Variants in TTF2 observed in about 807,000 individuals in gnomAD.
The protein encoded by TTF2 is RNA polymerase II termination factor.
TTF2 carries 108 observed loss-of-function variants against 142.4 expected under a neutral mutation model. The observed-to-expected ratio is 0.76, with a 90% CI of 0.65 to 0.89. TTF2 has a LOEUF of 0.89. TTF2 is among the 40% of genes least tolerant of loss of function. The pLI is 0.00. For missense variants in TTF2, 1,327 were observed against 1,379.8 expected (o/e 0.96, Z 0.61); for synonymous variants, 483 against 506.2 (o/e 0.95, Z 0.61).
At chr1:117,062,256 G>A (rs942061939) in intron 2 of TTF2, 131 bp from the exon 3 acceptor site, 21 of 735,796 alleles carry the variant, frequency 2.9e-5, no homozygotes, top group South Asian at 5.7e-5. Flanking sequence ...GTGATAATGT[G>A]TGGGAATTAC....
chr1:117,077,489 C>T (rs887120966), intron 7 of TTF2, among the ~76,000 whole-genome samples: 2 of 152,042 alleles, frequency 1.3e-5, no homozygotes, highest in African/African-American at 2.4e-5. Context: ...CTTATTCTTT[C>T]GTGTGTGTGT....
In TTF2 at chr1:117,086,328, A is replaced by G. The variant is rs1044090081; in HGVS notation, c.2055-89A>G. 1.3e-5 allele frequency: 11 copies of G among 878,004 alleles called. No individual in the cohort carries two copies. The highest frequency in any genetic ancestry group is 6.0e-5 in the Admixed American group (3 of 49,918). 54.4% of individuals were successfully genotyped at this position (878,004 alleles called of 1,614,324 possible). On this transcript the variant is annotated intron_variant, in intron 11 of 22. Coordinates refer to ENST00000369466, the MANE Select transcript of TTF2 (RefSeq NM_003594.4). This position sits in a 1 kb window ranked among gnomAD's most constrained non-coding sequence, Gnocchi z 4.2. The stretch of plus-strand genomic sequence containing the variant: ...TTCTGCTGTTTGTCCTTCCATTTGT[A>G]GGCATTTTTATTGAAAGATCAACTC...
chr1:117,060,968 C>T (rs1655631582), intron 2 of TTF2, among the ~76,000 whole-genome samples: 1 of 152,162 alleles, frequency 6.6e-6, no homozygotes, highest in Non-Finnish European at 1.5e-5. Context: ...AGTTTTAGGC[C>T]CGACGGTTTT....
chr1:117,092,734 C>G lies in TTF2; in HGVS notation c.2809C>G (p.Leu937Val), dbSNP rs370938761. The G allele has an allele frequency of 3.7e-6, 6 of 1,613,816 alleles. No individual in the cohort carries two copies. In the African/African-American group the frequency reaches 6.7e-5, roughly 18 times the overall value. ...CCHLSLLKSA[L>V]DPMELKGEGL... ...CTGTCCTTTTTTGTCTGTTCAGGCC[C>G]TGGATCCAATGGAACTGAAGGGTGA... Residue 937 changes from leucine to valine, a missense_variant, in exon 18 of 23, where the codon CTG becomes GTG. By Grantham distance (32) the Leu-to-Val change is conservative. Transcript: ENST00000369466. The surrounding 1 kb of genome is among the most constrained non-coding windows in gnomAD (Gnocchi z 4.4).
chr1:117,077,841 G>T (rs962242171), intron 7 of TTF2, 75 bp from the exon 8 acceptor site: 2 of 1,575,430 alleles, frequency 1.3e-6, no homozygotes, highest in Non-Finnish European at 1.7e-6. Context: ...AGGGCCATTT[G>T]TAGCTAAGTT....
chr1:117,089,923 C>T lies in TTF2; in HGVS notation c.2343-132C>T, dbSNP rs990075163. On this transcript the variant is annotated intron_variant, in intron 13 of 22. Transcript: ENST00000369466. ...CAGCAAAGGTTTGCTATGAAATTCA[C>T]TTTTAAAAGTGATTGGATGACAGGT... is the stretch of plus-strand genomic sequence containing the variant. 2.8e-6 allele frequency: 3 copies of T among 1,066,078 alleles called. No individual in the cohort carries two copies. The African/African-American group carries it at 4.8e-5, about 17-fold the overall frequency. The allele number at this position is 1,066,078 out of a possible 1,614,324, so 66.0% of individuals were successfully genotyped here. A position where few individuals can be genotyped will look rare whatever the true frequency, so the allele number is the denominator to read the frequency against.
chr1:117,065,145 A>G (rs1027399610), intron 3 of TTF2, among the ~76,000 whole-genome samples: 23 of 152,128 alleles, frequency 1.5e-4, no homozygotes, highest in African/African-American at 5.6e-4. Context: ...CTTTTTCAAG[A>G]TTGCGTTGGC....
intron 2 of TTF2, 38 bp downstream of exon 2, chr1:117,060,595 C>T (rs773476040): frequency 6.4e-7 from 1 of 1,550,860 alleles, no homozygotes; most frequent in East Asian, 2.3e-5. Flanking sequence ...TGTGGCTGCC[C>T]GGGGCCTCCC....
rs903625430 is a variant in TTF2, at chr1:117,093,288, G to A, written c.2976+387G>A. Among the ~76,000 whole-genome samples the A allele has an allele frequency of 6.6e-5, 10 of 152,180 alleles. No homozygotes were observed. The highest frequency in any genetic ancestry group is 1.2e-4 in the Non-Finnish European group (8 of 68,024). On this transcript the variant is annotated intron_variant, in intron 18 of 22. Transcript: ENST00000369466. The surrounding 1 kb of genome is among the most constrained non-coding windows in gnomAD (Gnocchi z 4.5). ...TAGAGACTGTGTCATACATGCGAGC[G>A]CCAATTGCTCTGACTTTGAAAGGCT...
intron 3 of TTF2, among the ~76,000 whole-genome samples, chr1:117,068,957 T>A (rs974496865): frequency 1.3e-5 from 2 of 152,348 alleles, no homozygotes; most frequent in Middle Eastern, 3.4e-3. Context: ...TATGGTATTT[T>A]CATCATATGG....
In TTF2 at chr1:117,099,059, C is replaced by G. The variant is rs1260474050; in HGVS notation, c.3344+152C>G. The G allele has an allele frequency of 1.5e-6, 1 of 659,872 alleles. No homozygotes were observed. The highest frequency in any genetic ancestry group is 3.2e-5 in the East Asian group (1 of 31,096). The allele number at this position is 659,872 out of a possible 1,614,324, so 40.9% of individuals were successfully genotyped here. ...GGCATACCTTCAGGCAAACCACAGT[C>G]AGGAGAAAAACGAGCAATTTGGGGT... On this transcript the variant is annotated intron_variant, in intron 22 of 22. Transcript: ENST00000369466. The surrounding 1 kb of genome is among the most constrained non-coding windows in gnomAD (Gnocchi z 4.3).
At chr1:117,089,037 A>G (rs1458896573) in intron 13 of TTF2, 55 bp downstream of exon 13, 8 of 1,513,420 alleles carry the variant, frequency 5.3e-6, no homozygotes, top group South Asian at 1.3e-5. Context: ...TCCCTTCATC[A>G]TTATTTCATG....
intron 2 of TTF2, among the ~76,000 whole-genome samples, chr1:117,061,560 A>G (rs887038945): frequency 6.6e-6 from 1 of 152,170 alleles, no homozygotes; most frequent in Non-Finnish European, 1.5e-5. Flanking sequence ...CTAACTTCCC[A>G]TGTTTCTGTT....
Position 117,079,130 on chromosome 1 carries a change from G to A in TTF2, c.1702-438G>A, listed in dbSNP as rs1647261809. 1.3e-5 allele frequency among the ~76,000 whole-genome samples: 2 copies of A among 152,050 alleles called. No individual in the cohort carries two copies. The highest frequency in any genetic ancestry group is 2.4e-5 in the African/African-American group (1 of 41,398). On this transcript the variant is annotated intron_variant, in intron 8 of 22. Transcript: ENST00000369466. The surrounding 1 kb of genome is among the most constrained non-coding windows in gnomAD (Gnocchi z 4.2). ...TGGCATACGCATGTAATTCCAGCTAGTCGGGAGGCTAAGGCAGGAGAATTG... is the reference window on the plus strand; with the variant it reads ...TGGCATACGCATGTAATTCCAGCTAATCGGGAGGCTAAGGCAGGAGAATTG...
chr1:117,075,517 G>A lies in TTF2; in HGVS notation c.933G>A (p.Gly311=). 1 of 1,614,184 alleles carries A rather than the reference G, an allele frequency of 6.2e-7. No homozygotes were observed. The highest frequency in any genetic ancestry group is 8.5e-7 in the Non-Finnish European group (1 of 1,180,028). Residue 311 remains glycine, a synonymous_variant, in exon 5 of 23, where the codon GGG becomes GGA. Coordinates refer to ENST00000369466, the MANE Select transcript of TTF2 (RefSeq NM_003594.4). The surrounding 1 kb of genome is among the most constrained non-coding windows in gnomAD (Gnocchi z 4.5). ...CCACCCAGAAAAGCCTGCCTCAGGGGCATTTCCAAGAGCGGCCGGAGACCC... is the reference window on the plus strand; with the variant it reads ...CCACCCAGAAAAGCCTGCCTCAGGGACATTTCCAAGAGCGGCCGGAGACCC... ...IQATQKSLPQ[G]HFQERPETHS...
chr1:117,095,985 C>G (rs1487273308), intron 19 of TTF2, among the ~76,000 whole-genome samples, 164 bp from the exon 20 acceptor site: 1 of 152,212 alleles, frequency 6.6e-6, no homozygotes, highest in Non-Finnish European at 1.5e-5. Flanking sequence ...GCATTATAAT[C>G]TTCAGATATG....
Position 117,086,649 on chromosome 1 carries a change from G to A in TTF2, c.2160+127G>A. The A allele has an allele frequency of 1.5e-6, 1 of 660,312 alleles. No homozygotes were observed. The highest frequency in any genetic ancestry group is 2.7e-6 in the Non-Finnish European group (1 of 368,700). 40.9% of individuals were successfully genotyped at this position (660,312 alleles called of 1,614,324 possible). On this transcript the variant is annotated intron_variant, in intron 12 of 22. Coordinates refer to ENST00000369466, the MANE Select transcript of TTF2 (RefSeq NM_003594.4). The surrounding 1 kb of genome is among the most constrained non-coding windows in gnomAD (Gnocchi z 4.2). Reference sequence around the variant, plus strand: ...CAGGAATGCTGTAAATGATCCGCATGTGGAAAGGAATTGTTCTTTCCTCTA... The same window carrying A: ...CAGGAATGCTGTAAATGATCCGCATATGGAAAGGAATTGTTCTTTCCTCTA...
At position 117,092,573 on chromosome 1, in the gene TTF2, C is replaced by G. The variant is rs1263207407; in HGVS notation, c.2806-158C>G. Reference sequence around the variant, plus strand: ...ATCTTTAATGTGGTGAAAAAACTTGCAAGATCACACTTTAATCAAGGTGTC... The same window carrying G: ...ATCTTTAATGTGGTGAAAAAACTTGGAAGATCACACTTTAATCAAGGTGTC... On this transcript the variant is annotated intron_variant, in intron 17 of 22. Coordinates refer to ENST00000369466, the MANE Select transcript of TTF2 (RefSeq NM_003594.4). The surrounding 1 kb of genome is among the most constrained non-coding windows in gnomAD (Gnocchi z 4.4). Among the ~76,000 whole-genome samples the G allele has an allele frequency of 2.0e-5, 3 of 152,180 alleles. No individual in the cohort carries two copies. The highest frequency in any genetic ancestry group is 4.4e-5 in the Non-Finnish European group (3 of 68,028).
Position 117,072,700 on chromosome 1 carries a change from G to A in TTF2, c.219-961G>A, listed in dbSNP as rs547811868. 1.3e-4 allele frequency among the ~76,000 whole-genome samples: 20 copies of A among 152,160 alleles called. No homozygotes were observed. The East Asian group carries it at 3.7e-3, about 28-fold the overall frequency. ...AGCCTCCCGAAGTGCTGGGATTACA[G>A]GTGTGAGCCACCGCACCCGGCCAAG... On this transcript the variant is annotated intron_variant, in intron 3 of 22. Transcript: ENST00000369466.
Sources: allele counts gnomAD v4.1 joint callset (sites outside exome capture counted in the v4.1 genomes callset), GRCh38; gene constraint gnomAD v4.1.1; non-coding constraint Gnocchi (gnomAD v3.1); transcripts MANE v1.5; gene names NCBI Gene and HGNC (gene_info 2026-07-23, HGNC 2026-07-21).